GRIN2A: variants seen among roughly 807,000 people sequenced by gnomAD.
GRIN2A encodes glutamate ionotropic receptor NMDA type subunit 2A, also known as glutamate receptor ionotropic, NMDA 2A.
In GRIN2A, 22 loss-of-function variants were observed where a neutral mutation model predicts 113.4. The ratio of observed to expected loss-of-function variants is 0.19; its 90% CI spans 0.14 to 0.28. The LOEUF is 0.28. Among genes scored for constraint, GRIN2A ranks in the 10% least tolerant of loss-of-function variants. GRIN2A has a pLI of 1.00. For synonymous variants in GRIN2A, 827 were observed against 738.4 expected (o/e 1.12, Z -1.94); for missense variants, 1,502 against 1,887.0 (o/e 0.80, Z 3.78).
intron 2 of GRIN2A, chr16:9,970,884 T>C (rs535470411): frequency 6.0e-6 from 1 of 166,296 alleles, no homozygotes; most frequent in Admixed American, 6.5e-5. Flanking sequence ...TAGTAAATGT[T>C]AAAGTATTAC....
At chr16:10,090,046 T>A (rs2048158025) in intron 2 of GRIN2A, among the ~76,000 whole-genome samples, 1 of 152,208 alleles carries the variant, frequency 6.6e-6, no homozygotes, top group Non-Finnish European at 1.5e-5. Flanking sequence ...ATTTATCCAT[T>A]TATTTTACAG....
intron 2 of GRIN2A, chr16:10,112,336 G>C: frequency 1.5e-6 from 1 of 651,288 alleles, no homozygotes; most frequent in Non-Finnish European, 2.8e-6. Flanking sequence ...GGTGTGGATG[G>C]ACTGCATGTA....
chr16:10,077,722 G>C (rs2047901721), intron 2 of GRIN2A, among the ~76,000 whole-genome samples: 1 of 152,112 alleles, frequency 6.6e-6, no homozygotes, highest in African/African-American at 2.4e-5. Context: ...CCTCTTAAAT[G>C]CTTCTGAAAC....
intron 2 of GRIN2A, chr16:10,112,966 G>C (rs1317716851): frequency 1.1e-5 from 4 of 356,398 alleles, no homozygotes; most frequent in Non-Finnish European, 2.2e-5. Context: ...TAACTGAGTG[G>C]TCCACAGATT....
At chr16:9,883,435 G>A (rs572635452) in intron 4 of GRIN2A, among the ~76,000 whole-genome samples, 2 of 152,150 alleles carry the variant, frequency 1.3e-5, no homozygotes, top group Non-Finnish European at 2.9e-5. Context: ...ACACTCTTAC[G>A]AATTAGTATA....
chr16:10,155,965 T>C (rs571354973), intron 2 of GRIN2A, among the ~76,000 whole-genome samples: 1 of 152,218 alleles, frequency 6.6e-6, no homozygotes, highest in Non-Finnish European at 1.5e-5. Flanking sequence ...CCATATCAAG[T>C]TCAAAGGCTC....
chr16:9,920,110 C>CT (rs1433587442), intron 3 of GRIN2A, among the ~76,000 whole-genome samples: 1 of 152,176 alleles, frequency 6.6e-6, no homozygotes, highest in Non-Finnish European at 1.5e-5. Flanking sequence ...GAGCAGCATG[C>CT]TTTTTTCTGT....
intron 2 of GRIN2A, among the ~76,000 whole-genome samples, chr16:10,155,203 T>C (rs2049664533): frequency 6.6e-6 from 1 of 152,192 alleles, no homozygotes; most frequent in Admixed American, 6.5e-5. Context: ...GCTCAAAAGG[T>C]CAGCAGGGGT....
chr16:9,827,354 G>A (rs1430486171), intron 9 of GRIN2A, among the ~76,000 whole-genome samples: 1 of 152,204 alleles, frequency 6.6e-6, no homozygotes, highest in Non-Finnish European at 1.5e-5. Flanking sequence ...GAAGGATTTG[G>A]GGGTGAGCAT....
intron 10 of GRIN2A, among the ~76,000 whole-genome samples, chr16:9,813,106 A>G (rs1337290905): frequency 6.6e-6 from 1 of 152,210 alleles, no homozygotes; most frequent in Non-Finnish European, 1.5e-5. Flanking sequence ...CAACCTTTTC[A>G]AAAATAACTA....
At position 10,052,822 on chromosome 16, in the gene GRIN2A, C is replaced by A. The variant is rs563931815; in HGVS notation, c.415-114271G>T. Reference sequence around the variant, plus strand: ...CAGCACTTTGGAAGGCCAAGGTGGGCAGATCACCTGAGATCAAGAGTTCGA... The same window carrying A: ...CAGCACTTTGGAAGGCCAAGGTGGGAAGATCACCTGAGATCAAGAGTTCGA... On this transcript the variant is annotated intron_variant, in intron 2 of 12. Transcript: ENST00000330684. 8.9e-4 allele frequency among the ~76,000 whole-genome samples: 136 copies of A among 152,112 alleles called. 1 individual carries two copies. In the South Asian group the frequency reaches 0.027, roughly 30 times the overall value.
chr16:10,155,009 A>C (rs2049659721), intron 2 of GRIN2A, among the ~76,000 whole-genome samples: 1 of 152,210 alleles, frequency 6.6e-6, no homozygotes, highest in Non-Finnish European at 1.5e-5. Context: ...CCGTGTCTGT[A>C]GCGCAGGACT....
chr16:9,835,537 A>G (rs1306208684), intron 7 of GRIN2A, among the ~76,000 whole-genome samples: 1 of 152,246 alleles, frequency 6.6e-6, no homozygotes, highest in African/African-American at 2.4e-5. Context: ...TTTAAAAATG[A>G]ATACATCTCC....
intron 12 of GRIN2A, 62 bp from the exon 13 acceptor site, chr16:9,765,010 C>T (rs1900829508): frequency 6.8e-6 from 11 of 1,607,348 alleles, no homozygotes; most frequent in Non-Finnish European, 8.5e-6. Context: ...AACCACTTTG[C>T]ACTTGAACTT....
rs1900477112 is a variant in GRIN2A at position 9,759,172 on chromosome 16, T to C, written c.*3977A>G. The C allele has an allele frequency of 4.6e-6, 1 of 217,580 alleles. No individual in the cohort carries two copies. 13.5% of individuals were successfully genotyped at this position (217,580 alleles called of 1,614,324 possible). A position where few individuals can be genotyped will look rare whatever the true frequency, so the allele number is the denominator to read the frequency against. ...TTTAGAGTTCTCAAATTAGTGTTTA[T>C]TTAGGTCTTAAACCGCAAGGGATTT... On this transcript the variant is annotated 3_prime_UTR_variant, in exon 13 of 13. Transcript: ENST00000330684.
chr16:9,827,269 AAC>A (rs1006368842), intron 9 of GRIN2A, among the ~76,000 whole-genome samples: 18 of 152,306 alleles, frequency 1.2e-4, no homozygotes, highest in African/African-American at 4.1e-4. Context: ...TCTGACTCTA[AAC>A]ACAGTGTGTT....
chr16:10,111,617 C>G, intron 2 of GRIN2A: 1 of 1,295,554 alleles, frequency 7.7e-7, no homozygotes. Context: ...GCCGACATGG[C>G]CATCGCGATG....
At chr16:10,092,610 T>C (rs2048202002) in intron 2 of GRIN2A, among the ~76,000 whole-genome samples, 1 of 152,226 alleles carries the variant, frequency 6.6e-6, no homozygotes, top group South Asian at 2.1e-4. Flanking sequence ...ATATAAAATA[T>C]ATTAACTAAT....
At chr16:10,001,176 T>A (rs1031988006) in intron 2 of GRIN2A, among the ~76,000 whole-genome samples, 1 of 152,180 alleles carries the variant, frequency 6.6e-6, no homozygotes, top group Non-Finnish European at 1.5e-5. Context: ...GATGATCTTG[T>A]GGGTCTCTTC....
Sources: gnomAD v4.1 joint callset for allele counts (sites outside exome capture counted in the v4.1 genomes callset) on GRCh38, gnomAD v4.1.1 for gene constraint, MANE v1.5 for transcripts, NCBI Gene and HGNC (gene_info 2026-07-23, HGNC 2026-07-21) for gene names.